Variants in ENTPD5 observed in about 807,000 individuals in gnomAD.
The protein encoded by ENTPD5 is nucleoside diphosphate phosphatase ENTPD5.
A neutral mutation model predicts 60.2 loss-of-function variants in ENTPD5; 49 were observed. That is an observed-to-expected ratio of 0.81 (90% CI 0.65 to 1.03). The LOEUF is 1.03. Among genes scored for constraint, ENTPD5 ranks in the 50% least tolerant of loss-of-function variants. The pLI is 0.00. For synonymous variants in ENTPD5, 187 were observed against 185.4 expected (o/e 1.01, Z -0.07); for missense variants, 480 against 507.6 (o/e 0.95, Z 0.52).
chr14:74,009,063 C>T (rs1395471431), intron 3 of ENTPD5: 1 of 152,168 alleles, frequency 6.6e-6, no homozygotes, highest in Non-Finnish European at 1.5e-5. Flanking sequence ...TCAGGCATAA[C>T]TTCATTCTCC....
downstream of ENTPD5, chr14:73,960,216 T>C (rs1463766578): frequency 3.2e-5 from 32 of 987,522 alleles, no homozygotes; most frequent in Non-Finnish European, 3.8e-5. Context: ...AAGAGTAAGC[T>C]TAGTAGATAG....
intron 3 of ENTPD5, among the ~76,000 whole-genome samples, chr14:73,999,494 C>T (rs1242437750): frequency 1.4e-5 from 2 of 146,256 alleles, no homozygotes; most frequent in Non-Finnish European, 3.0e-5. Context: ...CCCCCCACCC[C>T]CCCAAAAAAA....
At chr14:73,973,081 C>T in intron 12 of ENTPD5, 57 bp from the exon 13 acceptor site, 2 of 1,591,470 alleles carry the variant, frequency 1.3e-6, no homozygotes, top group East Asian at 2.2e-5. Context: ...GAAGGGGACA[C>T]TCTCTGAGGC....
At chr14:73,955,874 G>A (rs144520464), downstream of ENTPD5, 39 of 1,614,152 alleles carry the variant, frequency 2.4e-5, no homozygotes, top group Admixed American at 1.5e-4. Flanking sequence ...GGGCTATATC[G>A]TGGAGAATGA....
At chr14:73,956,439 A>G (rs1002079658), downstream of ENTPD5, 4 of 162,520 alleles carry the variant, frequency 2.5e-5, no homozygotes, top group Admixed American at 5.7e-5. Context: ...AAGCTGCCAA[A>G]CTTTTCTGAA....
At chr14:74,000,237 G>C (rs1333452213) in intron 3 of ENTPD5, among the ~76,000 whole-genome samples, 1 of 149,734 alleles carries the variant, frequency 6.7e-6, no homozygotes, top group Non-Finnish European at 1.5e-5. Flanking sequence ...CAGGCAGATT[G>C]CTTGAGCTCA....
At chr14:73,997,290 TTTCCCATAGTGAGA>T (rs1173413646) in intron 3 of ENTPD5, among the ~76,000 whole-genome samples, 1 of 152,178 alleles carries the variant, frequency 6.6e-6, no homozygotes, top group Non-Finnish European at 1.5e-5. Flanking sequence ...CTTGTTTTCC[TTTCCCATAGTGAGA>T]TTGATTGTTA....
At chr14:74,014,587 T>C (rs1258651940) in intron 2 of ENTPD5, among the ~76,000 whole-genome samples, 1 of 152,138 alleles carries the variant, frequency 6.6e-6, no homozygotes, top group Non-Finnish European at 1.5e-5. Context: ...TTATCTGTGG[T>C]AACATATCTT....
intron 3 of ENTPD5, among the ~76,000 whole-genome samples, chr14:73,993,559 G>A (rs2058223507): frequency 6.6e-6 from 1 of 152,144 alleles, no homozygotes; most frequent in African/African-American, 2.4e-5. Context: ...ATAGCTGCCT[G>A]GCCAGGTTCA....
chr14:73,989,099 G>A (rs551299869), intron 3 of ENTPD5, among the ~76,000 whole-genome samples: 4 of 152,012 alleles, frequency 2.6e-5, no homozygotes, highest in African/African-American at 9.6e-5. Context: ...TGGGATTACA[G>A]GCATAAGCCA....
chr14:73,987,871 C>A lies in ENTPD5; in HGVS notation c.217+15G>T. 6.2e-7 allele frequency: 1 copy of A among 1,613,422 alleles called. No homozygotes were observed. The highest frequency in any genetic ancestry group is 1.1e-5 in the South Asian group (1 of 90,948). On this transcript the variant is annotated intron_variant, in intron 4 of 15. Transcript: ENST00000334696. ...TGGATTTACAGACTCTACTAAGGGT[C>A]CCAGTTGCACTTACCTGGCATTTTC...
At chr14:73,961,864 G>A (rs557785330), downstream of ENTPD5, 31 of 1,614,190 alleles carry the variant, frequency 1.9e-5, no homozygotes, top group South Asian at 4.4e-5. Flanking sequence ...TGCTCAGGAC[G>A]TGGGGCTTGC....
rs1030952200 is a variant in ENTPD5 at position 73,965,151 on chromosome 14, C to G, written c.*1777G>C. On this transcript the variant is annotated 3_prime_UTR_variant, in exon 16 of 16. Coordinates refer to ENST00000334696, the MANE Select transcript of ENTPD5 (RefSeq NM_001249.5). ...TAGGGACAAGGATACAGAAATTTGCCTAGTAACTTGCACACAGCAGATGGT... is the reference window on the plus strand; with the variant it reads ...TAGGGACAAGGATACAGAAATTTGCGTAGTAACTTGCACACAGCAGATGGT... 1 of 152,112 alleles carries G rather than the reference C, an allele frequency of 6.6e-6. No homozygotes were observed. The highest frequency in any genetic ancestry group is 1.5e-5 in the Non-Finnish European group (1 of 68,012). 9.4% of individuals were successfully genotyped at this position (152,112 alleles called of 1,614,324 possible).
chr14:73,999,756 C>A (rs1002892740), intron 3 of ENTPD5, among the ~76,000 whole-genome samples: 1 of 151,472 alleles, frequency 6.6e-6, no homozygotes, highest in Non-Finnish European at 1.5e-5. Flanking sequence ...CAAGCCACTG[C>A]ACTCTAGACT....
chr14:73,976,555 C>T (rs886265721), intron 8 of ENTPD5, 143 bp from the exon 9 acceptor site: 96 of 627,626 alleles, frequency 1.5e-4, no homozygotes, highest in South Asian at 3.2e-4. Context: ...AATGTCAACT[C>T]GGAAGGACTC....
At chr14:74,007,733 A>C (rs111803648) in intron 3 of ENTPD5, 1 of 149,150 alleles carries the variant, frequency 6.7e-6, no homozygotes, top group Non-Finnish European at 1.5e-5. Context: ...AGGCAGGAGG[A>C]TCGCTTGAGC....
intron 5 of ENTPD5, 41 bp from the exon 6 acceptor site, chr14:73,983,202 T>A: frequency 6.3e-7 from 1 of 1,583,046 alleles, no homozygotes; most frequent in Non-Finnish European, 8.6e-7. Context: ...AACGATCCAT[T>A]TAGTGGCTGG....
At position 73,973,872 on chromosome 14, in the gene ENTPD5, C is replaced by T; in HGVS notation, c.886+5G>A. ...AACTTTAACCAGTGAAAAAACATCA[C>T]TTGCCTTCTTGGTTGCCACCATACT... On this transcript the variant is annotated splice_donor_5th_base_variant and intron_variant, in intron 12 of 15. Transcript: ENST00000334696. 12 of 1,612,962 alleles carry T rather than the reference C, an allele frequency of 7.4e-6. No individual in the cohort carries two copies. Among genetic ancestry groups the T allele is most frequent in the Non-Finnish European group, 9.3e-6 (11 of 1,178,910 alleles).
At chr14:73,993,677 C>A (rs1418875799) in intron 3 of ENTPD5, among the ~76,000 whole-genome samples, 3 of 152,182 alleles carry the variant, frequency 2.0e-5, no homozygotes, top group African/African-American at 4.8e-5. Context: ...CAGATCCTTG[C>A]TTTGTCCAAC....
Sources: gnomAD v4.1 joint callset for allele counts (sites outside exome capture counted in the v4.1 genomes callset) on GRCh38, gnomAD v4.1.1 for gene constraint, MANE v1.5 for transcripts, NCBI Gene and HGNC (gene_info 2026-07-23, HGNC 2026-07-21) for gene names.